The following TMPRSS11E variants were observed in gnomAD, a reference collection of about 807,000 sequenced individuals.
TMPRSS11E encodes the protein transmembrane protease serine 11E.
In TMPRSS11E, 38 loss-of-function variants were observed where a neutral mutation model predicts 48.1. The ratio of observed to expected loss-of-function variants is 0.79; its 90% confidence interval spans 0.61 to 1.04. The LOEUF (loss-of-function observed/expected upper bound fraction) is 1.04, where lower values mean the gene tolerates loss of function less well. Ranked by LOEUF, TMPRSS11E falls within the 50% of genes least tolerant of loss-of-function variation. The pLI, the probability that TMPRSS11E is intolerant of heterozygous loss-of-function variation, is 0.00. For missense variants in TMPRSS11E, 530 were observed against 510.8 expected (o/e 1.04, Z -0.36); for synonymous variants, 158 against 171.9 (o/e 0.92, Z 0.63).
intron 9 of TMPRSS11E, among the ~76,000 whole-genome samples, chr4:68,483,614 T>C (rs1302833907): frequency 6.6e-6 from 1 of 152,240 alleles, no homozygotes; most frequent in Non-Finnish European, 1.5e-5. Flanking sequence ...TTTATTTTCC[T>C]GTGCAGAAGC....
At chr4:68,448,463 C>A (rs1728402868) in intron 1 of TMPRSS11E, among the ~76,000 whole-genome samples, 1 of 151,978 alleles carries the variant, frequency 6.6e-6, no homozygotes, top group Admixed American at 6.6e-5. Flanking sequence ...TATTTCTTTA[C>A]AACCAATGAT....
At chr4:68,474,897 G>C in intron 6 of TMPRSS11E, 136 bp downstream of exon 6, 2 of 704,872 alleles carry the variant, frequency 2.8e-6, no homozygotes, top group Non-Finnish European at 4.6e-6. Flanking sequence ...ACAGTTCATG[G>C]TACTTTATCA....
chr4:68,451,424 C>G (rs1217365733), intron 1 of TMPRSS11E, among the ~76,000 whole-genome samples: 3 of 151,896 alleles, frequency 2.0e-5, no homozygotes, highest in Non-Finnish European at 4.4e-5. Flanking sequence ...GCCCAACCTT[C>G]TTCTCCCATG....
intron 9 of TMPRSS11E, among the ~76,000 whole-genome samples, chr4:68,490,633 G>T (rs1729688947): frequency 6.6e-6 from 1 of 151,858 alleles, no homozygotes; most frequent in Non-Finnish European, 1.5e-5. Context: ...TTTCATTACT[G>T]CTTCGCAGTG....
chr4:68,458,317 G>A (rs967444781), intron 1 of TMPRSS11E, among the ~76,000 whole-genome samples: 5 of 151,484 alleles, frequency 3.3e-5, no homozygotes, highest in Admixed American at 6.6e-5. Context: ...TGCAGCCTAA[G>A]CATATTGCTT....
chr4:68,468,785 T>G, intron 3 of TMPRSS11E, 94 bp from the exon 4 acceptor site: 1 of 969,900 alleles, frequency 1.0e-6, no homozygotes, highest in East Asian at 2.4e-5. Flanking sequence ...TTTTGCTCTG[T>G]TTTGTTTTTT....
At chr4:68,484,758 A>T (rs2708683) in intron 9 of TMPRSS11E, among the ~76,000 whole-genome samples, 100,618 of 152,082 alleles carry the variant, frequency 0.66, 33,665 homozygotes, top group East Asian at 0.86. Flanking sequence ...TAAGATGTTA[A>T]TGTTGTATAG....
intron 1 of TMPRSS11E, among the ~76,000 whole-genome samples, chr4:68,460,089 G>A (rs187321747): frequency 6.6e-6 from 1 of 152,126 alleles, no homozygotes. Flanking sequence ...CCCTGGTTAC[G>A]GCCCCGTGGA....
chr4:68,482,159 A>G (rs1729419982), intron 9 of TMPRSS11E, among the ~76,000 whole-genome samples: 1 of 97,486 alleles, frequency 1.0e-5, no homozygotes, highest in African/African-American at 3.6e-5. Flanking sequence ...AAGCAGGAGC[A>G]AGAGGGATAG....
At chr4:68,465,760 A>G (rs140320766) in intron 2 of TMPRSS11E, among the ~76,000 whole-genome samples, 1 of 152,284 alleles carries the variant, frequency 6.6e-6, no homozygotes, top group Non-Finnish European at 1.5e-5. Flanking sequence ...GTAACTATAT[A>G]CAACTGTCTT....
intron 9 of TMPRSS11E, among the ~76,000 whole-genome samples, chr4:68,483,147 T>G (rs1280338413): frequency 6.6e-6 from 1 of 152,214 alleles, no homozygotes; most frequent in Non-Finnish European, 1.5e-5. Flanking sequence ...ATAGTAAGCC[T>G]GATGCTGGCA....
chr4:68,466,873 GAGGCCCTAACCCA>G, intron 3 of TMPRSS11E, 121 bp downstream of exon 3: 1 of 1,296,306 alleles, frequency 7.7e-7, no homozygotes, highest in Non-Finnish European at 1.1e-6. Context: ...AAAATGAAAA[GAGGCCCTAACCCA>G]AGGAATATAA....
chr4:68,496,518 T>C (rs1206531251), intron 9 of TMPRSS11E, 125 bp from the exon 10 acceptor site: 7 of 920,198 alleles, frequency 7.6e-6, no homozygotes, highest in South Asian at 5.5e-5. Context: ...AAATCACTTA[T>C]GCATGCGAAC....
At chr4:68,479,753 G>A (rs1729352970) in intron 9 of TMPRSS11E, among the ~76,000 whole-genome samples, 1 of 151,836 alleles carries the variant, frequency 6.6e-6, no homozygotes. Context: ...AGAGGAAAAG[G>A]AAAGACTATT....
chr4:68,465,061 G>T (rs553065407), intron 2 of TMPRSS11E, among the ~76,000 whole-genome samples: 1 of 152,312 alleles, frequency 6.6e-6, no homozygotes, highest in East Asian at 1.9e-4. Context: ...AGATAGTTAT[G>T]AGTTATTTCC....
At chr4:68,482,817 A>C (rs1578143280) in intron 9 of TMPRSS11E, among the ~76,000 whole-genome samples, 1 of 152,032 alleles carries the variant, frequency 6.6e-6, no homozygotes, top group South Asian at 2.1e-4. Flanking sequence ...TCTGAGATAA[A>C]GCAATTCCCT....
intron 4 of TMPRSS11E, among the ~76,000 whole-genome samples, chr4:68,470,971 C>T (rs186179452): frequency 1.3e-5 from 2 of 151,922 alleles, no homozygotes; most frequent in African/African-American, 4.8e-5. Flanking sequence ...ATATTTAAGA[C>T]ACACTGTATT....
intron 9 of TMPRSS11E, among the ~76,000 whole-genome samples, chr4:68,483,667 T>C (rs1243038065): frequency 6.6e-6 from 1 of 152,198 alleles, no homozygotes; most frequent in East Asian, 1.9e-4. Flanking sequence ...TTTGTTTTAG[T>C]TGCAATTGCT....
At chr4:68,464,593 T>A (rs1728878577) in intron 2 of TMPRSS11E, among the ~76,000 whole-genome samples, 1 of 152,230 alleles carries the variant, frequency 6.6e-6, no homozygotes, top group Non-Finnish European at 1.5e-5. Flanking sequence ...TAATATGTTT[T>A]AACAGTGGCA....
Sources: gnomAD v4.1 joint callset for allele counts (sites outside exome capture counted in the v4.1 genomes callset) on GRCh38, gnomAD v4.1.1 for gene constraint, MANE v1.5 for transcripts, NCBI Gene and HGNC (gene_info 2026-07-23, HGNC 2026-07-21) for gene names.